CNBD1: variants seen among roughly 807,000 people sequenced by gnomAD.
CNBD1 encodes the protein cyclic nucleotide-binding domain-containing protein 1.
In CNBD1, 71 loss-of-function variants were observed where a neutral mutation model predicts 54.4. That is an observed-to-expected ratio of 1.30 (90% confidence interval 1.08 to 1.59). The LOEUF is 1.59. Ranked by LOEUF, CNBD1 falls within the 40% of genes most tolerant of loss-of-function variation. The pLI, the probability that CNBD1 is intolerant of heterozygous loss-of-function variation, is 0.00. For synonymous variants in CNBD1, 182 were observed against 170.7 expected (o/e 1.07, Z -0.51); for missense variants, 659 against 518.0 (o/e 1.27, Z -2.64).
At chr8:87,242,108 C>T (rs948182169) in intron 6 of CNBD1, among the ~76,000 whole-genome samples, 1 of 152,090 alleles carries the variant, frequency 6.6e-6, no homozygotes, top group Non-Finnish European at 1.5e-5. Flanking sequence ...AAACAGAGAC[C>T]TTAAGACTGA....
At chr8:87,386,750 C>A (rs1256635129), downstream of CNBD1, among the ~76,000 whole-genome samples, 2 of 152,108 alleles carry the variant, frequency 1.3e-5, no homozygotes, top group Non-Finnish European at 2.9e-5. Context: ...TCAGGAAATA[C>A]AGAGAACGCC....
At chr8:87,014,966 G>C (rs1048938228) in intron 4 of CNBD1, among the ~76,000 whole-genome samples, 12 of 151,820 alleles carry the variant, frequency 7.9e-5, no homozygotes, top group African/African-American at 2.2e-4. Flanking sequence ...AGATATTTGG[G>C]GTAAAACAAA....
chr8:87,303,510 G>T (rs184033872), intron 8 of CNBD1, among the ~76,000 whole-genome samples: 7,863 of 152,044 alleles, frequency 0.052, 314 homozygotes, highest in East Asian at 0.16. Flanking sequence ...AGACTTAAAT[G>T]TTAGACCTAA....
At chr8:87,030,780 G>A (rs966020785) in intron 4 of CNBD1, among the ~76,000 whole-genome samples, 49 of 151,742 alleles carry the variant, frequency 3.2e-4, no homozygotes, top group African/African-American at 1.2e-3. Flanking sequence ...CATAACATCT[G>A]TGTTCAAGGC....
chr8:87,279,526 A>G (rs1808550700), intron 6 of CNBD1, among the ~76,000 whole-genome samples: 1 of 151,456 alleles, frequency 6.6e-6, no homozygotes, highest in Admixed American at 6.6e-5. Context: ...GCAAAGTAAA[A>G]TAACAGATAA....
chr8:87,218,830 T>C (rs1814266809), intron 5 of CNBD1, among the ~76,000 whole-genome samples: 2 of 152,000 alleles, frequency 1.3e-5, no homozygotes, highest in Non-Finnish European at 2.9e-5. Context: ...TCACAGAATA[T>C]GTTTTGTAAT....
downstream of CNBD1, among the ~76,000 whole-genome samples, chr8:87,385,795 A>G (rs1481313148): frequency 6.6e-6 from 1 of 152,158 alleles, no homozygotes; most frequent in Non-Finnish European, 1.5e-5. Context: ...GCAGCTGGAG[A>G]TCTGAGAACG....
chr8:87,298,463 A>T (rs1176407026), intron 8 of CNBD1, among the ~76,000 whole-genome samples: 2 of 150,794 alleles, frequency 1.3e-5, no homozygotes, highest in Non-Finnish European at 2.9e-5. Context: ...TTAGCTTCAA[A>T]TGTGCCTTGG....
intron 4 of CNBD1, among the ~76,000 whole-genome samples, chr8:86,941,126 G>A (rs13248262): frequency 0.47 from 71,451 of 152,002 alleles, 17,713 homozygotes; most frequent in South Asian, 0.6. Flanking sequence ...TTTGAGAATG[G>A]TCAGATTTTT....
intron 4 of CNBD1, among the ~76,000 whole-genome samples, chr8:86,971,437 A>G (rs1280034223): frequency 2.0e-5 from 3 of 152,350 alleles, no homozygotes; most frequent in Admixed American, 2.0e-4. Flanking sequence ...AAGCCAAATC[A>G]TATCATTCTG....
At chr8:87,263,074 A>T (rs1157241541) in intron 6 of CNBD1, among the ~76,000 whole-genome samples, 1 of 152,098 alleles carries the variant, frequency 6.6e-6, no homozygotes, top group Non-Finnish European at 1.5e-5. Flanking sequence ...AGCTCCTTTT[A>T]TATGTGTTCC....
intron 4 of CNBD1, among the ~76,000 whole-genome samples, chr8:87,027,533 G>C (rs1368301345): frequency 6.6e-6 from 1 of 152,200 alleles, no homozygotes; most frequent in Admixed American, 6.5e-5. Context: ...GCCTCCCAAA[G>C]TGCTGGGATT....
chr8:87,241,713 A>G (rs2130830571), intron 6 of CNBD1, among the ~76,000 whole-genome samples: 1 of 152,258 alleles, frequency 6.6e-6, no homozygotes, highest in Admixed American at 6.5e-5. Context: ...TTAAATTCTT[A>G]GTTTGTGCCT....
intron 4 of CNBD1, among the ~76,000 whole-genome samples, chr8:87,138,831 G>A (rs76795713): frequency 0.02 from 3,100 of 152,248 alleles, 242 homozygotes; most frequent in Admixed American, 0.15. Flanking sequence ...GGGCAATAAA[G>A]GATTCACGAT....
At chr8:87,308,262 CT>C (rs1586000570) in intron 8 of CNBD1, among the ~76,000 whole-genome samples, 1 of 152,050 alleles carries the variant, frequency 6.6e-6, no homozygotes, top group East Asian at 1.9e-4. Context: ...TGGTAAAGTC[CT>C]TTTTGGAACC....
At chr8:87,356,854 T>C (rs1275174097) in intron 10 of CNBD1, among the ~76,000 whole-genome samples, 2 of 152,078 alleles carry the variant, frequency 1.3e-5, no homozygotes, top group African/African-American at 4.8e-5. Flanking sequence ...TGAAGACAGC[T>C]CCTCCCATCA....
downstream of CNBD1, among the ~76,000 whole-genome samples, chr8:87,385,290 C>T (rs147705225): frequency 6.8e-4 from 103 of 152,218 alleles, no homozygotes; most frequent in Non-Finnish European, 1.0e-3. Flanking sequence ...GTGGGTGCAG[C>T]GCACCGAGTG....
intron 2 of CNBD1, among the ~76,000 whole-genome samples, chr8:87,423,916 T>C (rs1563596992): frequency 6.6e-6 from 1 of 152,214 alleles, no homozygotes; most frequent in Non-Finnish European, 1.5e-5. Flanking sequence ...TGGACTCTTT[T>C]TGGTTGGTAA....
intron 8 of CNBD1, among the ~76,000 whole-genome samples, chr8:87,297,359 G>C (rs1272897933): frequency 6.6e-6 from 1 of 151,564 alleles, no homozygotes; most frequent in African/African-American, 2.4e-5. Flanking sequence ...ATTTGATCTT[G>C]CCACATTTTA....
Sources: allele counts gnomAD v4.1 joint callset (sites outside exome capture counted in the v4.1 genomes callset), GRCh38; gene constraint gnomAD v4.1.1; transcripts MANE v1.5; gene names NCBI Gene and HGNC (gene_info 2026-07-23, HGNC 2026-07-21).